The following LNX2 variants were observed in gnomAD, a reference collection of about 807,000 sequenced individuals.
LNX2 encodes the protein ligand of numb-protein X 2, also known as ligand of Numb protein X 2.
Under a neutral mutation model 66.2 loss-of-function variants are expected in LNX2, and 35 were observed. That is an observed-to-expected ratio of 0.53 (90% confidence interval 0.40 to 0.70). LNX2 has a LOEUF of 0.70. Ranked by LOEUF, LNX2 falls within the 30% of genes least tolerant of loss-of-function variation. The probability of loss-of-function intolerance (pLI) is 0.00; values close to 1 mark genes in which losing one functional copy is unlikely to be tolerated. For synonymous variants in LNX2, 337 were observed against 315.6 expected (o/e 1.07, Z -0.72); for missense variants, 791 against 850.8 (o/e 0.93, Z 0.87).
intron 1 of LNX2, among the ~76,000 whole-genome samples, chr13:27,583,169 A>AGTGTGTGTGTATGT (rs1955422105): frequency 1.4e-4 from 6 of 44,114 alleles, no homozygotes; most frequent in African/African-American, 2.5e-4. Context: ...TCAGAGCAGC[A>AGTGTGTGTGTATGT]GTGTGTGTGT....
chr13:27,597,038 A>G (rs1301614474), intron 1 of LNX2, among the ~76,000 whole-genome samples: 1 of 152,208 alleles, frequency 6.6e-6, no homozygotes, highest in Admixed American at 6.5e-5. Flanking sequence ...TCTCAATCAT[A>G]AACTTCTTTA....
Position 27,598,254 on chromosome 13 carries a change from G to A in LNX2, c.-100-16451C>T, listed in dbSNP as rs138274950. Among the ~76,000 whole-genome samples, 21 of 149,668 alleles carry A rather than the reference G, an allele frequency of 1.4e-4. No individual in the cohort carries two copies. The East Asian group carries it at 4.1e-3, about 29-fold the overall frequency. ...CAACACCTATGGCCCACATCTGGCT[G>A]AAACATCAAAGTCCAATTACCTAAA... On this transcript the variant is annotated intron_variant, in intron 1 of 9. Transcript: ENST00000316334.
At chr13:27,565,597 T>C (rs1245531193) in intron 4 of LNX2, among the ~76,000 whole-genome samples, 4 of 152,194 alleles carry the variant, frequency 2.6e-5, no homozygotes, top group African/African-American at 7.2e-5. Flanking sequence ...TATCATAAAA[T>C]GCAGCTAGGA....
intron 1 of LNX2, among the ~76,000 whole-genome samples, chr13:27,588,021 CAAAAAAAAAAAAAAA>C (rs56812051): frequency 5.3e-5 from 5 of 93,530 alleles, no homozygotes; most frequent in Admixed American, 1.2e-4. Flanking sequence ...ACTCTTGTCA[CAAAAAAAAAAAAAAA>C]AAAAAAAAAA....
intron 1 of LNX2, among the ~76,000 whole-genome samples, chr13:27,587,792 C>A (rs542704107): frequency 6.6e-6 from 1 of 151,918 alleles, no homozygotes; most frequent in African/African-American, 2.4e-5. Flanking sequence ...GAGGCCAAGG[C>A]GGGCAGATCA....
At chr13:27,589,658 A>T (rs926686579) in intron 1 of LNX2, among the ~76,000 whole-genome samples, 4 of 152,206 alleles carry the variant, frequency 2.6e-5, no homozygotes, top group Admixed American at 2.0e-4. Context: ...GGCAAAAACC[A>T]AACTGGGTTA....
intron 8 of LNX2, 98 bp downstream of exon 8, chr13:27,553,106 CTTTT>C: frequency 1.2e-6 from 1 of 853,054 alleles, no homozygotes; most frequent in Admixed American, 2.8e-5. Flanking sequence ...TGAATTAAAG[CTTTT>C]TTTTTTATCC....
At chr13:27,574,672 C>T (rs1955324116) in intron 2 of LNX2, among the ~76,000 whole-genome samples, 1 of 151,872 alleles carries the variant, frequency 6.6e-6, no homozygotes, top group Non-Finnish European at 1.5e-5. Context: ...AAAATCTTCC[C>T]AAATTTGATG....
At chr13:27,573,222 A>G (rs57104839) in intron 2 of LNX2, among the ~76,000 whole-genome samples, 16,666 of 152,170 alleles carry the variant, frequency 0.11, 1,069 homozygotes, top group East Asian at 0.28. Flanking sequence ...GCTGGCAGAC[A>G]CTGGAAGAGC....
intron 1 of LNX2, among the ~76,000 whole-genome samples, chr13:27,606,290 A>C (rs1955714860): frequency 6.6e-6 from 1 of 152,004 alleles, no homozygotes; most frequent in Non-Finnish European, 1.5e-5. Flanking sequence ...ATCCTATTTT[A>C]AGTTATCATG....
At chr13:27,620,708 G>A (rs1034304006), upstream of LNX2, 1 of 152,456 alleles carries the variant, frequency 6.6e-6, no homozygotes, top group African/African-American at 2.4e-5. Context: ...AGGCGGGCCA[G>A]AAGGGACCCG....
intron 8 of LNX2, among the ~76,000 whole-genome samples, chr13:27,551,562 T>C (rs1955008046): frequency 6.6e-6 from 1 of 151,874 alleles, no homozygotes; most frequent in South Asian, 2.1e-4. Context: ...AAACTGGATC[T>C]AAATGCACGG....
intron 1 of LNX2, among the ~76,000 whole-genome samples, chr13:27,584,858 C>T (rs1955464801): frequency 6.6e-6 from 1 of 152,116 alleles, no homozygotes; most frequent in Non-Finnish European, 1.5e-5. Context: ...TGGCTCACGC[C>T]TGTAATCTCA....
At chr13:27,583,208 G>GCCCTCTCCAATATAAC (rs751207599) in intron 1 of LNX2, among the ~76,000 whole-genome samples, 1 of 18,076 alleles carries the variant, frequency 5.5e-5, no homozygotes, top group Non-Finnish European at 9.6e-5. Context: ...GTGTGTGTGT[G>GCCCTCTCCAATATAAC]TGTGTGTGTG....
At chr13:27,548,508 T>C in intron 9 of LNX2, 38 bp from the exon 10 acceptor site, 1 of 1,587,372 alleles carries the variant, frequency 6.3e-7, no homozygotes, top group Non-Finnish European at 8.6e-7. Flanking sequence ...GTTACTATTT[T>C]CATGGTATTA....
In LNX2 at chr13:27,553,387, A is replaced by G. The variant is rs772852167; in HGVS notation, c.1599T>C (p.Ser533=). 65 of 1,614,066 alleles carry G rather than the reference A, an allele frequency of 4.0e-5. No individual in the cohort carries two copies. In the South Asian group the frequency reaches 6.3e-4, roughly 16 times the overall value. ...NGIDLTNLSH[S]EAVAMLKASA... is the part of the protein sequence containing the mutation. ...TGGCTTTCAGCATTGCAACTGCCTCACTGTGACTTAAATTGGTCAAATCAA... is the reference window on the plus strand; with the variant it reads ...TGGCTTTCAGCATTGCAACTGCCTCGCTGTGACTTAAATTGGTCAAATCAA... The change falls in exon 8 of 10, where the codon AGT becomes AGC. Residue 533 remains serine (S), a synonymous_variant. Coordinates refer to ENST00000316334, the MANE Select transcript of LNX2 (RefSeq NM_153371.4).
intron 5 of LNX2, 117 bp downstream of exon 5, chr13:27,562,296 A>C: frequency 7.6e-7 from 1 of 1,317,680 alleles, no homozygotes; most frequent in Non-Finnish European, 1.0e-6. Flanking sequence ...GCCACACCCG[A>C]TTTTCTAATG....
chr13:27,583,227 T>TCCTCTCCTATATAA lies in LNX2; in HGVS notation c.-100-1425_-100-1424insTTATATAGGAGAGG, dbSNP rs1955432150. Among the ~76,000 whole-genome samples, 21 of 19,718 alleles carry TCCTCTCCTATATAA rather than the reference T, an allele frequency of 1.1e-3. 7 individuals carry two copies. The highest frequency in any genetic ancestry group is 3.8e-3 in the African/African-American group (21 of 5,578). 12.9% of individuals were successfully genotyped at this position (19,718 alleles called of 152,430 possible). A position where few individuals can be genotyped will look rare whatever the true frequency, so the allele number is the denominator to read the frequency against. ...GTGTGTGTGTGTGTGTGTGTGTGTG[T>TCCTCTCCTATATAA]GTGTGTGTGTGTGTGTGTGTGTGTG... On this transcript the variant is annotated intron_variant, in intron 1 of 9. Coordinates refer to ENST00000316334, the MANE Select transcript of LNX2 (RefSeq NM_153371.4).
intron 1 of LNX2, among the ~76,000 whole-genome samples, chr13:27,593,177 C>T (rs55782401): frequency 5.3e-5 from 8 of 152,196 alleles, no homozygotes; most frequent in Admixed American, 3.3e-4. Context: ...CCTCTCCTTT[C>T]TAAAAGCTAG....
Sources: gnomAD v4.1 joint callset for allele counts (sites outside exome capture counted in the v4.1 genomes callset) on GRCh38, gnomAD v4.1.1 for gene constraint, MANE v1.5 for transcripts, NCBI Gene and HGNC (gene_info 2026-07-23, HGNC 2026-07-21) for gene names.